FOXN3: variants seen among roughly 807,000 people sequenced by gnomAD.
The protein encoded by FOXN3 is forkhead box N3.
FOXN3 carries 7 observed loss-of-function variants against 38.4 expected under a neutral mutation model. That is an observed-to-expected ratio of 0.18 (90% confidence interval 0.10 to 0.34). The LOEUF is 0.34. Ranked by LOEUF, FOXN3 falls within the 10% of genes least tolerant of loss-of-function variation. The pLI, the probability that FOXN3 is intolerant of heterozygous loss-of-function variation, is 1.00. For missense variants in FOXN3, 456 were observed against 613.4 expected, an observed-to-expected ratio of 0.74 and a Z score of 2.71; for synonymous variants, 230 against 242.2, an observed-to-expected ratio of 0.95 and a Z score of 0.47.
At chr14:89,595,831 T>C (rs1896046065) in intron 1 of FOXN3, among the ~76,000 whole-genome samples, 1 of 152,196 alleles carries the variant, frequency 6.6e-6, no homozygotes, top group South Asian at 2.1e-4. Flanking sequence ...TTTAATGATG[T>C]AGGCTATTTT....
chr14:89,369,617 T>C (rs550707149), intron 2 of FOXN3, among the ~76,000 whole-genome samples: 1 of 151,984 alleles, frequency 6.6e-6, no homozygotes, highest in South Asian at 2.1e-4. Flanking sequence ...CTCACAATCA[T>C]GGTGGAAGGC....
chr14:89,336,582 G>A (rs1459046801), intron 3 of FOXN3, among the ~76,000 whole-genome samples: 1 of 152,188 alleles, frequency 6.6e-6, no homozygotes, highest in Non-Finnish European at 1.5e-5. Flanking sequence ...CCATCTGCAA[G>A]CTGTGTGACC....
intron 1 of FOXN3, among the ~76,000 whole-genome samples, chr14:89,441,183 G>C (rs1264814547): frequency 6.6e-6 from 1 of 152,042 alleles, no homozygotes; most frequent in African/African-American, 2.4e-5. Context: ...CAACCTGCTG[G>C]GCCCTTTCCC....
intron 2 of FOXN3, among the ~76,000 whole-genome samples, chr14:89,392,897 C>G (rs887492762): frequency 2.6e-5 from 4 of 151,796 alleles, no homozygotes; most frequent in Admixed American, 2.6e-4. Flanking sequence ...ACCTCCGCCC[C>G]CAAGGTTCAA....
chr14:89,546,047 T>C (rs1321674773), intron 1 of FOXN3, among the ~76,000 whole-genome samples: 1 of 152,216 alleles, frequency 6.6e-6, no homozygotes, highest in African/African-American at 2.4e-5. Context: ...GAGAACACAA[T>C]GGCATGTAAA....
At chr14:89,545,484 C>T (rs753523809) in intron 1 of FOXN3, among the ~76,000 whole-genome samples, 5 of 152,178 alleles carry the variant, frequency 3.3e-5, no homozygotes, top group Non-Finnish European at 5.9e-5. Flanking sequence ...CATGGTCCAG[C>T]CATAGCATGT....
intron 3 of FOXN3, among the ~76,000 whole-genome samples, chr14:89,339,507 C>T (rs889796329): frequency 6.6e-5 from 10 of 152,138 alleles, no homozygotes; most frequent in Non-Finnish European, 1.3e-4. Context: ...CCAGGGCAAG[C>T]GTGTGGTTCT....
chr14:89,185,610 TC>T (rs1887784721), intron 4 of FOXN3: 1 of 152,280 alleles, frequency 6.6e-6, no homozygotes, highest in African/African-American at 2.4e-5. Context: ...GTCAACTTCT[TC>T]CTCGGATTTG....
chr14:89,169,722 G>C (rs1887339654), intron 5 of FOXN3, among the ~76,000 whole-genome samples: 1 of 151,920 alleles, frequency 6.6e-6, no homozygotes, highest in Non-Finnish European at 1.5e-5. Context: ...AAAAGTTCTA[G>C]GATCAACACT....
rs575785048 is a variant in FOXN3 at position 89,159,280 on chromosome 14, T to C, written c.*3134A>G. On this transcript the variant is annotated 3_prime_UTR_variant, in exon 6 of 6. Transcript: ENST00000557258. ...AATCAAAATACAAAGTTAAACACAATTGAGCCATTGTTTTGGTTATGCATA... is the reference window on the plus strand; with the variant it reads ...AATCAAAATACAAAGTTAAACACAACTGAGCCATTGTTTTGGTTATGCATA... 14 of 152,650 alleles carry C rather than the reference T, an allele frequency of 9.2e-5. 1 individual carries two copies. Among genetic ancestry groups the C allele is most frequent in the South Asian group, 2.1e-4 (1 of 4,812 alleles). 9.5% of individuals were successfully genotyped at this position (152,650 alleles called of 1,614,324 possible).
rs1566680873 is a variant in FOXN3 at position 89,511,162 on chromosome 14, TTTCTTTCTTTC to T, written c.-14-98683_-14-98673del. ...TTTCTTTTCTTTCTTTCTTTCTTTC[TTTCTTTCTTTC>T]TTTCTTTCTTTCTTTCTTTTCTTTC... On this transcript the variant is annotated intron_variant, in intron 1 of 6. Transcript: ENST00000345097. Among the ~76,000 whole-genome samples, 41 of 24,436 alleles carry T rather than the reference TTTCTTTCTTTC, an allele frequency of 1.7e-3. 11 individuals are homozygous for T. Among genetic ancestry groups the T allele is most frequent in the African/African-American group, 2.6e-3 (39 of 14,862 alleles). The allele number at this position is 24,436 out of a possible 152,430, so 16.0% of individuals were successfully genotyped here.
chr14:89,506,301 AGCCGCCCC>A (rs1893932227), intron 1 of FOXN3, among the ~76,000 whole-genome samples: 1 of 74,154 alleles, frequency 1.3e-5, no homozygotes, highest in Non-Finnish European at 3.5e-5. Context: ...CCGCCCGGCC[AGCCGCCCC>A]GTCCGGGAGG....
At chr14:89,197,710 A>G (rs1439870626) in intron 4 of FOXN3, among the ~76,000 whole-genome samples, 1 of 152,190 alleles carries the variant, frequency 6.6e-6, no homozygotes, top group African/African-American at 2.4e-5. Flanking sequence ...TCCCCAGGGC[A>G]TAAGCCTCCA....
chr14:89,359,840 G>A (rs999438176), intron 2 of FOXN3, among the ~76,000 whole-genome samples: 1 of 152,212 alleles, frequency 6.6e-6, no homozygotes, highest in Non-Finnish European at 1.5e-5. Context: ...GGCAGAGGTG[G>A]ATAAGAGAAG....
At chr14:89,270,933 G>A (rs1356318067) in intron 4 of FOXN3, among the ~76,000 whole-genome samples, 3 of 152,204 alleles carry the variant, frequency 2.0e-5, no homozygotes, top group Non-Finnish European at 4.4e-5. Context: ...GGGACCTGGG[G>A]AGAAAGACGG....
intron 3 of FOXN3, among the ~76,000 whole-genome samples, chr14:89,288,765 T>C (rs1232373947): frequency 4.9e-5 from 5 of 102,166 alleles, no homozygotes; most frequent in Non-Finnish European, 9.5e-5. Context: ...TATATATATA[T>C]ATATGCTTGC....
upstream of FOXN3, chr14:89,419,357 TC>T (rs1891844487): frequency 8.3e-6 from 3 of 363,272 alleles, no homozygotes; most frequent in African/African-American, 6.4e-5. Context: ...GGGACTTGCT[TC>T]CTGACCTAGG....
chr14:89,504,343 T>C (rs762730098), intron 1 of FOXN3, among the ~76,000 whole-genome samples: 18 of 152,208 alleles, frequency 1.2e-4, no homozygotes, highest in Non-Finnish European at 2.4e-4. Context: ...ACACTGAATG[T>C]TTTGATTTCT....
At chr14:89,517,918 G>C (rs949675432) in intron 1 of FOXN3, among the ~76,000 whole-genome samples, 1 of 152,322 alleles carries the variant, frequency 6.6e-6, no homozygotes, top group Admixed American at 6.5e-5. Context: ...AAACGTGTTA[G>C]AGCAAAACTC....
Sources: allele counts gnomAD v4.1 joint callset (sites outside exome capture counted in the v4.1 genomes callset), GRCh38; gene constraint gnomAD v4.1.1; transcripts MANE v1.5; gene names NCBI Gene and HGNC (gene_info 2026-07-23, HGNC 2026-07-21).